PER3: variants seen among roughly 807,000 people sequenced by gnomAD.
PER3 encodes the protein period circadian regulator 3, also known as period circadian protein homolog 3.
A neutral mutation model predicts 127.2 loss-of-function variants in PER3; 107 were observed. The ratio of observed to expected loss-of-function variants is 0.84; its 90% CI spans 0.72 to 0.99. The LOEUF (loss-of-function observed/expected upper bound fraction) is 0.99. PER3 is among the 50% of genes least tolerant of loss of function. The pLI is 0.00. For missense variants in PER3, 1,560 were observed against 1,525.8 expected (o/e 1.02, Z -0.37); for synonymous variants, 618 against 585.8 (o/e 1.05, Z -0.79).
At chr1:7,842,360 C>T (rs1273893116) in intron 21 of PER3, among the ~76,000 whole-genome samples, 6 of 151,824 alleles carry the variant, frequency 4.0e-5, no homozygotes, top group South Asian at 2.1e-4. Context: ...ATTAGCTGGG[C>T]GCGGTGGTGG....
At chr1:7,801,870 C>A (rs1312665132) in intron 8 of PER3, among the ~76,000 whole-genome samples, 10 of 151,918 alleles carry the variant, frequency 6.6e-5, no homozygotes. Context: ...TCATGAAATT[C>A]AAAAATCTGG....
At chr1:7,816,026 A>T (rs1268708543) in intron 13 of PER3, among the ~76,000 whole-genome samples, 1 of 148,608 alleles carries the variant, frequency 6.7e-6, no homozygotes, top group Non-Finnish European at 1.5e-5. Flanking sequence ...AATTGAATTG[A>T]ACAAAATGAA....
In PER3 at chr1:7,837,078, CA is replaced by C. The variant is rs773961726; in HGVS notation, c.3482del (p.Lys1161ArgfsTer46). The C allele has an allele frequency of 6.2e-7, 1 of 1,613,870 alleles. No individual in the cohort carries two copies. Among genetic ancestry groups the C allele is most frequent in the South Asian group, 1.1e-5 (1 of 91,070 alleles). On this transcript the variant is annotated frameshift_variant, in exon 21 of 22. Coordinates refer to ENST00000377532, the MANE Select transcript of PER3 (RefSeq NM_001377275.1). LOFTEE classifies it high-confidence loss of function. ...RQQQPQFSHG[Q>X]KEELAKVYNW... ...GCAGCAGCCCCAGTTTTCTCATGGG[CA>C]AAAGGAGGAGCTGGCTAAGGTGTAT...
At chr1:7,789,810 A>G (rs2097110425) in intron 5 of PER3, among the ~76,000 whole-genome samples, 1 of 152,234 alleles carries the variant, frequency 6.6e-6, no homozygotes, top group Non-Finnish European at 1.5e-5. Context: ...TCTTTTAAAA[A>G]TATTTTTACA....
chr1:7,803,538 A>G (rs2097179827), intron 9 of PER3, among the ~76,000 whole-genome samples, 154 bp from the exon 10 acceptor site: 1 of 152,056 alleles, frequency 6.6e-6, no homozygotes, highest in Admixed American at 6.6e-5. Flanking sequence ...CAGTGAGCCA[A>G]TATCATGCCA....
rs551056589 is a variant in PER3, at chr1:7,803,166, T to C, written c.979+13T>C. On this transcript the variant is annotated intron_variant, in intron 9 of 21. Coordinates refer to ENST00000377532, the MANE Select transcript of PER3 (RefSeq NM_001377275.1). ...ATACACCAAAAAGGTCAGGACCTAC[T>C]CCTTTATAGGAGGAAATATTTTTCT... 9 of 1,406,558 alleles carry C rather than the reference T, an allele frequency of 6.4e-6. No homozygotes were observed. The East Asian group carries it at 6.8e-5, about 11-fold the overall frequency. 87.1% of individuals were successfully genotyped at this position (1,406,558 alleles called of 1,614,324 possible).
intron 5 of PER3, among the ~76,000 whole-genome samples, chr1:7,792,832 A>G (rs1360844867): frequency 1.3e-5 from 2 of 152,212 alleles, no homozygotes; most frequent in African/African-American, 4.8e-5. Flanking sequence ...CTAGGAATGG[A>G]AATGCATTGT....
chr1:7,795,459 T>C (rs938755601), intron 6 of PER3, among the ~76,000 whole-genome samples: 1 of 152,166 alleles, frequency 6.6e-6, no homozygotes, highest in Admixed American at 6.5e-5. Flanking sequence ...ATCCAGGAAC[T>C]CTTAGGAAGT....
chr1:7,786,209 C>T (rs56737664), intron 3 of PER3, among the ~76,000 whole-genome samples: 1,783 of 152,254 alleles, frequency 0.012, 31 homozygotes, highest in African/African-American at 0.041. Flanking sequence ...GAGCCGAGAT[C>T]ACGCCACTGC....
At chr1:7,815,981 G>A (rs1406484184) in intron 13 of PER3, among the ~76,000 whole-genome samples, 2 of 93,462 alleles carry the variant, frequency 2.1e-5, no homozygotes, top group African/African-American at 4.4e-5. Context: ...CGACAGAGCG[G>A]ACTCCGTCTC....
chr1:7,829,560 ACGG>A (rs2097319530), intron 18 of PER3, among the ~76,000 whole-genome samples: 1 of 152,152 alleles, frequency 6.6e-6, no homozygotes, highest in African/African-American at 2.4e-5. Flanking sequence ...GATAACCAAG[ACGG>A]CTACTGAGTG....
intron 6 of PER3, among the ~76,000 whole-genome samples, chr1:7,797,361 G>T (rs1349211589): frequency 1.3e-5 from 2 of 152,104 alleles, no homozygotes; most frequent in Admixed American, 6.5e-5. Context: ...GGGGCTGGGC[G>T]CAGTGGCTCA....
chr1:7,816,442 A>G (rs2097251901), intron 13 of PER3, among the ~76,000 whole-genome samples: 1 of 152,202 alleles, frequency 6.6e-6, no homozygotes, highest in African/African-American at 2.4e-5. Flanking sequence ...ATGAAAAGAC[A>G]AAATAGTTGC....
chr1:7,800,241 C>G (rs903008045), intron 7 of PER3, among the ~76,000 whole-genome samples: 1 of 150,200 alleles, frequency 6.7e-6, no homozygotes, highest in African/African-American at 2.4e-5. Context: ...GAGTCTCGCT[C>G]TGTTACCCAG....
At position 7,843,979 on chromosome 1, in the gene PER3, A is replaced by C. The variant is rs200580747; in HGVS notation, c.*1224A>C. On this transcript the variant is annotated 3_prime_UTR_variant, in exon 22 of 22. Transcript: ENST00000377532. ...CAGATCAGAAAAAACAAATAGAAGA[A>C]AATGAGGGTTACAGTAACCTGTTGT... is the stretch of plus-strand genomic sequence containing the variant. The C allele has an allele frequency of 3.7e-4, 471 of 1,269,930 alleles. 3 individuals are homozygous for C. The highest frequency in any genetic ancestry group is 3.6e-4 in the Non-Finnish European group (350 of 973,498). The allele number at this position is 1,269,930 out of a possible 1,614,324, so 78.7% of individuals were successfully genotyped here. A position where few individuals can be genotyped will look rare whatever the true frequency, so the allele number is the denominator to read the frequency against.
In PER3 at chr1:7,801,192, G is replaced by T; in HGVS notation, c.872+1G>T. The T allele has an allele frequency of 6.6e-7, 1 of 1,524,948 alleles. No individual in the cohort carries two copies. Among genetic ancestry groups the T allele is most frequent in the Non-Finnish European group, 9.0e-7 (1 of 1,108,286 alleles). The allele number at this position is 1,524,948 out of a possible 1,614,324, so 94.5% of individuals were successfully genotyped here. A position where few individuals can be genotyped will look rare whatever the true frequency, so the allele number is the denominator to read the frequency against. On this transcript the variant is annotated splice_donor_variant, in intron 8 of 21. Coordinates refer to ENST00000377532, the MANE Select transcript of PER3 (RefSeq NM_001377275.1). LOFTEE classifies it high-confidence loss of function. Reference sequence around the variant, plus strand: ...GTGTTTTTCTTGAAGTAGATGAAAAGTAAGTACTTCTTTAAGCCTAAAAGA... The same window carrying T: ...GTGTTTTTCTTGAAGTAGATGAAAATTAAGTACTTCTTTAAGCCTAAAAGA...
chr1:7,801,862 A>G (rs2097172190), intron 8 of PER3, among the ~76,000 whole-genome samples: 1 of 152,128 alleles, frequency 6.6e-6, no homozygotes. Context: ...TTACTTACTC[A>G]TGAAATTCAA....
In PER3 at chr1:7,784,861, C is replaced by T; in HGVS notation, c.-17C>T. 1 of 1,475,934 alleles carries T rather than the reference C, an allele frequency of 6.8e-7. No individual in the cohort carries two copies. The highest frequency in any genetic ancestry group is 8.9e-7 in the Non-Finnish European group (1 of 1,124,662). 91.4% of individuals were successfully genotyped at this position (1,475,934 alleles called of 1,614,324 possible). On this transcript the variant is annotated 5_prime_UTR_variant, in exon 2 of 22. Coordinates refer to ENST00000377532, the MANE Select transcript of PER3 (RefSeq NM_001377275.1). Reference sequence around the variant, plus strand: ...GGGCCGTCCCAGCACGACGTGGAGCCCCGCGGAGACCTCGAGATGCCCCGC... The same window carrying T: ...GGGCCGTCCCAGCACGACGTGGAGCTCCGCGGAGACCTCGAGATGCCCCGC...
chr1:7,824,085 C>A (rs890151516), intron 16 of PER3, among the ~76,000 whole-genome samples: 1 of 152,152 alleles, frequency 6.6e-6, no homozygotes, highest in Non-Finnish European at 1.5e-5. Flanking sequence ...CAAATCGATA[C>A]TGAAAGTATA....
Sources: allele counts gnomAD v4.1 joint callset (sites outside exome capture counted in the v4.1 genomes callset), GRCh38; gene constraint gnomAD v4.1.1; transcripts MANE v1.5; gene names NCBI Gene and HGNC (gene_info 2026-07-23, HGNC 2026-07-21).